The following MPP7 variants were observed in gnomAD, a reference collection of about 807,000 sequenced individuals.
The protein encoded by MPP7 is MAGUK p55 scaffold protein 7, also known as MAGUK p55 subfamily member 7.
MPP7 carries 60 observed loss-of-function variants against 76.5 expected under a neutral mutation model. The ratio of observed to expected loss-of-function variants is 0.78; its 90% CI spans 0.64 to 0.97. The LOEUF is 0.97. Among genes scored for constraint, MPP7 ranks in the 50% least tolerant of loss-of-function variants. MPP7 has a pLI of 0.00. For missense variants in MPP7, 641 were observed against 694.0 expected (o/e 0.92, Z 0.86); for synonymous variants, 237 against 244.5 (o/e 0.97, Z 0.29).
chr10:28,275,196 G>A (rs1840454520), intron 1 of MPP7, among the ~76,000 whole-genome samples: 1 of 152,116 alleles, frequency 6.6e-6, no homozygotes, highest in South Asian at 2.1e-4. Context: ...CACTTAATGT[G>A]TAGGCATCTC....
intron 11 of MPP7, among the ~76,000 whole-genome samples, chr10:28,110,928 A>G (rs567634865): frequency 1.4e-4 from 21 of 152,320 alleles, no homozygotes; most frequent in African/African-American, 5.0e-4. Context: ...AAGCAAAAAA[A>G]TGCATATTTC....
chr10:28,277,373 AAAATT>A (rs1164470343), intron 1 of MPP7, among the ~76,000 whole-genome samples: 1 of 151,798 alleles, frequency 6.6e-6, no homozygotes, highest in South Asian at 2.1e-4. Context: ...CAAAAAAAAA[AAAATT>A]AATTAAAAAA....
chr10:28,237,481 T>G (rs998732609), intron 2 of MPP7, among the ~76,000 whole-genome samples: 2 of 152,218 alleles, frequency 1.3e-5, no homozygotes, highest in Non-Finnish European at 2.9e-5. Flanking sequence ...AAAATCATTC[T>G]TGATGGATAA....
intron 3 of MPP7, among the ~76,000 whole-genome samples, chr10:28,155,521 C>T (rs1296264158): frequency 6.7e-6 from 1 of 148,176 alleles, no homozygotes; most frequent in African/African-American, 2.5e-5. Flanking sequence ...TTGATTGAGC[C>T]CAGGAAGTGG....
At chr10:28,196,771 T>C (rs970123722) in intron 3 of MPP7, among the ~76,000 whole-genome samples, 1 of 152,034 alleles carries the variant, frequency 6.6e-6, no homozygotes, top group Non-Finnish European at 1.5e-5. Flanking sequence ...AACATCAGCC[T>C]CCCTCTCTCA....
At chr10:28,139,031 C>T (rs118104912) in intron 5 of MPP7, among the ~76,000 whole-genome samples, 1,988 of 152,266 alleles carry the variant, frequency 0.013, 39 homozygotes, top group East Asian at 0.076. Flanking sequence ...CTGTTACTGC[C>T]TGAGACCCTC....
intron 12 of MPP7, among the ~76,000 whole-genome samples, chr10:28,078,060 G>A (rs1215604292): frequency 1.3e-5 from 2 of 152,166 alleles, no homozygotes; most frequent in East Asian, 3.9e-4. Flanking sequence ...TGGCTTAGCT[G>A]GTGCTCAAAA....
chr10:28,067,395 T>C (rs1852034821), intron 13 of MPP7, among the ~76,000 whole-genome samples: 1 of 151,602 alleles, frequency 6.6e-6, no homozygotes, highest in African/African-American at 2.4e-5. Flanking sequence ...TCACGCTGGT[T>C]TGATGCGGTA....
At position 28,258,928 on chromosome 10, in the gene MPP7, G is replaced by A. The variant is rs148492341; in HGVS notation, c.-131-20193C>T. ...TCTGTGAAAACACCAAGTTATTACT[G>A]CACTAAACAGCTGCTAAAGGGAAAA... On this transcript the variant is annotated intron_variant, in intron 1 of 16. Coordinates refer to ENST00000683449, the MANE Select transcript of MPP7 (RefSeq NM_001318170.2). Among the ~76,000 whole-genome samples, 1,386 of 152,140 alleles carry A rather than the reference G, an allele frequency of 9.1e-3. 11 individuals are homozygous for A. Among genetic ancestry groups the A allele is most frequent in the Non-Finnish European group, 0.015 (997 of 68,008 alleles).
intron 11 of MPP7, among the ~76,000 whole-genome samples, chr10:28,105,848 A>G (rs1169483367): frequency 6.6e-5 from 10 of 152,090 alleles, no homozygotes; most frequent in Admixed American, 6.6e-4. Context: ...ATGAAGGCCT[A>G]TTTTGCACAA....
rs12249260 is a variant in MPP7 at position 28,202,040 on chromosome 10, A to G, written c.156+113T>C. ...TTCCACGCCCGTCGGTGAATGGAAC[A>G]AGGCTGTTTTGTTTTCAGAGAGCAA... On this transcript the variant is annotated intron_variant, in intron 3 of 16. Transcript: ENST00000683449. The G allele has an allele frequency of 3.5e-3, 2,637 of 749,488 alleles. 45 individuals carry two copies. In the African/African-American group the frequency reaches 0.038, roughly 11 times the overall value. 46.4% of individuals were successfully genotyped at this position (749,488 alleles called of 1,614,324 possible). A position where few individuals can be genotyped will look rare whatever the true frequency, so the allele number is the denominator to read the frequency against.
At chr10:28,238,358 C>T (rs912214975) in intron 2 of MPP7, among the ~76,000 whole-genome samples, 4 of 152,124 alleles carry the variant, frequency 2.6e-5, no homozygotes, top group Non-Finnish European at 5.9e-5. Flanking sequence ...TCTGCACATG[C>T]CATCACTACC....
chr10:28,243,501 A>G (rs117208516), intron 1 of MPP7, among the ~76,000 whole-genome samples: 9,334 of 152,200 alleles, frequency 0.061, 343 homozygotes, highest in Non-Finnish European at 0.081. Context: ...AAAATCATGC[A>G]TGAACGACAT....
intron 11 of MPP7, among the ~76,000 whole-genome samples, chr10:28,097,831 A>T (rs1303896103): frequency 6.6e-6 from 1 of 152,186 alleles, no homozygotes; most frequent in East Asian, 1.9e-4. Context: ...GCTCCCAACC[A>T]CTAGGGGACA....
At chr10:28,250,405 A>G (rs1839577865) in intron 1 of MPP7, among the ~76,000 whole-genome samples, 1 of 151,928 alleles carries the variant, frequency 6.6e-6, no homozygotes, top group African/African-American at 2.4e-5. Flanking sequence ...TTTTTAGGGG[A>G]AAAAAAGAAC....
chr10:28,164,874 G>T (rs1405000807), intron 3 of MPP7, among the ~76,000 whole-genome samples: 1 of 152,104 alleles, frequency 6.6e-6, no homozygotes, highest in Non-Finnish European at 1.5e-5. Context: ...TGCTGTTTGG[G>T]TGATGGTTAC....
At chr10:28,325,803 C>T (rs1035531233) in intron 2 of MPP7, among the ~76,000 whole-genome samples, 1 of 151,934 alleles carries the variant, frequency 6.6e-6, no homozygotes, top group Non-Finnish European at 1.5e-5. Context: ...CGCAAGACCA[C>T]ATTTCTACAA....
chr10:28,330,318 T>C (rs962411993), intron 1 of MPP7, among the ~76,000 whole-genome samples: 2 of 152,184 alleles, frequency 1.3e-5, no homozygotes, highest in African/African-American at 4.8e-5. Flanking sequence ...AGGAGAAGGA[T>C]GGCTTGAGCC....
intron 3 of MPP7, among the ~76,000 whole-genome samples, chr10:28,157,045 A>G (rs1836088437): frequency 1.3e-5 from 2 of 152,070 alleles, no homozygotes; most frequent in African/African-American, 4.8e-5. Flanking sequence ...CCCTGTCTCT[A>G]CCAAAAATAC....
Sources: gnomAD v4.1 joint callset for allele counts (sites outside exome capture counted in the v4.1 genomes callset) on GRCh38, gnomAD v4.1.1 for gene constraint, MANE v1.5 for transcripts, NCBI Gene and HGNC (gene_info 2026-07-23, HGNC 2026-07-21) for gene names.